MMP26: variants seen among roughly 807,000 people sequenced by gnomAD.
The protein encoded by MMP26 is matrix metallopeptidase 26.
Under a neutral mutation model 31.0 loss-of-function variants are expected in MMP26, and 33 were observed. The observed-to-expected ratio is 1.06, with a 90% CI of 0.81 to 1.42. MMP26 has a LOEUF of 1.42. Among genes scored for constraint, MMP26 ranks in the 40% most tolerant of loss-of-function variants. The pLI, the probability that MMP26 is intolerant of heterozygous loss-of-function variation, is 0.00. For missense variants in MMP26, 347 were observed against 316.1 expected, an observed-to-expected ratio of 1.10 and a Z score of -0.74; for synonymous variants, 122 against 114.9, an observed-to-expected ratio of 1.06 and a Z score of -0.40.
In MMP26 at chr11:4,953,969, G is replaced by A. The variant is rs1280712042; in HGVS notation, c.-144-34099G>A. Among the ~76,000 whole-genome samples the A allele has an allele frequency of 1.1e-4, 14 of 125,592 alleles. 3 individuals are homozygous for A. In the Admixed American group the frequency reaches 1.1e-3, roughly 10 times the overall value. The allele number at this position is 125,592 out of a possible 152,430, so 82.4% of individuals were successfully genotyped here. A position where few individuals can be genotyped will look rare whatever the true frequency, so the allele number is the denominator to read the frequency against. On this transcript the variant is annotated intron_variant, in intron 2 of 7. Coordinates refer to ENST00000380390, the MANE Select transcript of MMP26 (RefSeq NM_021801.5). ...CGGGAGGCTGAGAGGCAAGAGAATCGCTTGAACCTGGGAGGCGGAGGTTGC... is the reference window on the plus strand; with the variant it reads ...CGGGAGGCTGAGAGGCAAGAGAATCACTTGAACCTGGGAGGCGGAGGTTGC...
At chr11:4,827,014 T>C (rs1849586344) in intron 2 of MMP26, among the ~76,000 whole-genome samples, 1 of 152,164 alleles carries the variant, frequency 6.6e-6, no homozygotes, top group Non-Finnish European at 1.5e-5. Flanking sequence ...TGAGTACATG[T>C]AGATATTTCA....
chr11:4,927,780 A>T (rs1255926747), intron 2 of MMP26, among the ~76,000 whole-genome samples: 1 of 152,126 alleles, frequency 6.6e-6, no homozygotes, highest in Non-Finnish European at 1.5e-5. Flanking sequence ...GGCCTTTCCC[A>T]AGTCTGAGAA....
At chr11:4,966,028 G>A (rs552822087) in intron 2 of MMP26, among the ~76,000 whole-genome samples, 15 of 152,178 alleles carry the variant, frequency 9.9e-5, no homozygotes, top group Non-Finnish European at 1.8e-4. Flanking sequence ...AAATTAAGTG[G>A]TTTACATTTT....
intron 2 of MMP26, among the ~76,000 whole-genome samples, chr11:4,772,972 C>T (rs571030154): frequency 1.3e-5 from 2 of 152,152 alleles, no homozygotes; most frequent in Non-Finnish European, 1.5e-5. Flanking sequence ...TATATCTCTA[C>T]CCGGCATTCC....
chr11:4,819,396 GA>G (rs2133469229), intron 2 of MMP26, among the ~76,000 whole-genome samples: 1 of 151,998 alleles, frequency 6.6e-6, no homozygotes, highest in South Asian at 2.1e-4. Context: ...GTACCCGGGA[GA>G]GGGGGGAAAG....
In MMP26 at chr11:4,991,362, C is replaced by T. The variant is rs61880629; in HGVS notation, c.470-9C>T. 0.26 allele frequency: 419,566 copies of T among 1,609,112 alleles called. 57,565 individuals are homozygous for T. Among genetic ancestry groups the T allele is most frequent in the South Asian group, 0.29 (26,630 of 90,276 alleles). The stretch of plus-strand genomic sequence containing the variant: ...CCCTCATTGTGATCATAGCTTCTGT[C>T]GTCCACAGCCCATGAAGATGGTTGG... On this transcript the variant is annotated splice_polypyrimidine_tract_variant and intron_variant, in intron 5 of 7. Transcript: ENST00000380390.
At chr11:4,834,489 A>C (rs1849689622) in intron 2 of MMP26, among the ~76,000 whole-genome samples, 1 of 152,176 alleles carries the variant, frequency 6.6e-6, no homozygotes, top group Admixed American at 6.5e-5. Context: ...GTCCAGGATC[A>C]CTCCTAAAGA....
At chr11:4,879,063 A>G (rs1421254075) in intron 2 of MMP26, among the ~76,000 whole-genome samples, 7 of 152,210 alleles carry the variant, frequency 4.6e-5, no homozygotes, top group African/African-American at 1.7e-4. Flanking sequence ...ATGAAACCCC[A>G]TGTTTACTAA....
chr11:4,774,445 A>G (rs932795254), intron 2 of MMP26, among the ~76,000 whole-genome samples: 7 of 152,064 alleles, frequency 4.6e-5, no homozygotes, highest in Admixed American at 1.3e-4. Context: ...GTGTCTGTTT[A>G]TGCCCTTTGC....
chr11:4,979,373 G>C (rs1274742350), intron 2 of MMP26, among the ~76,000 whole-genome samples: 1 of 152,062 alleles, frequency 6.6e-6, no homozygotes, highest in African/African-American at 2.4e-5. Context: ...TCCTCCAAAG[G>C]GATTGACAGT....
chr11:4,986,932 C>CTCTCTCCCTCTCTCTCTCTCTCT (rs1564819722), intron 2 of MMP26, among the ~76,000 whole-genome samples: 1 of 60,448 alleles, frequency 1.7e-5, no homozygotes, highest in Non-Finnish European at 3.1e-5. Context: ...TCTCTCTCTC[C>CTCTCTCCCTCTCTCTCTCTCTCT]CTCTCTCTCT....
At chr11:4,960,577 G>T (rs1241577902) in intron 2 of MMP26, among the ~76,000 whole-genome samples, 2 of 146,012 alleles carry the variant, frequency 1.4e-5, no homozygotes, top group South Asian at 2.1e-4. Context: ...CCATACTATT[G>T]CTTCAGAGGG....
intron 2 of MMP26, among the ~76,000 whole-genome samples, chr11:4,853,912 T>TG (rs1013716598): frequency 6.6e-6 from 1 of 150,452 alleles, no homozygotes; most frequent in Non-Finnish European, 1.5e-5. Context: ...TTTGGCTACA[T>TG]AAAAAAAAAA....
chr11:4,729,723 G>A (rs1482831835), intron 1 of MMP26, among the ~76,000 whole-genome samples: 1 of 150,890 alleles, frequency 6.6e-6, no homozygotes, highest in African/African-American at 2.5e-5. Context: ...CCTAACAGGT[G>A]TGAGCATATA....
At chr11:4,915,635 C>T (rs766389992) in intron 2 of MMP26, 1 of 1,613,242 alleles carries the variant, frequency 6.2e-7, no homozygotes, top group Admixed American at 1.7e-5. Context: ...AACGCTGCTG[C>T]TGCTGTTTCC....
At chr11:4,944,094 A>G (rs1846257953) in intron 2 of MMP26, 5 of 454,310 alleles carry the variant, frequency 1.1e-5, no homozygotes, top group South Asian at 6.3e-5. Context: ...CCCCAAACCC[A>G]TATCTGTATT....
intron 2 of MMP26, among the ~76,000 whole-genome samples, chr11:4,786,068 A>G (rs1056128851): frequency 4.6e-5 from 7 of 152,076 alleles, no homozygotes; most frequent in African/African-American, 7.2e-5. Flanking sequence ...ACAAGTCTCT[A>G]TGGGGTTCAA....
intron 2 of MMP26, chr11:4,804,390 A>C: frequency 6.2e-7 from 1 of 1,601,170 alleles, no homozygotes; most frequent in Non-Finnish European, 8.6e-7. Flanking sequence ...TGGACTGGTT[A>C]ATATGGTCTC....
At chr11:4,799,135 G>A (rs1849147672) in intron 2 of MMP26, among the ~76,000 whole-genome samples, 1 of 152,260 alleles carries the variant, frequency 6.6e-6, no homozygotes, top group Admixed American at 6.5e-5. Context: ...TTCTGTAAAT[G>A]TTTATCTTGT....
Sources: allele counts gnomAD v4.1 joint callset (sites outside exome capture counted in the v4.1 genomes callset), GRCh38; gene constraint gnomAD v4.1.1; transcripts MANE v1.5; gene names NCBI Gene and HGNC (gene_info 2026-07-23, HGNC 2026-07-21).